Variants in WNT2B observed in about 807,000 individuals in gnomAD.
The protein encoded by WNT2B is protein Wnt-2b.
In WNT2B, 19 loss-of-function variants were observed where a neutral mutation model predicts 40.5. The ratio of observed to expected loss-of-function variants is 0.47; its 90% CI spans 0.33 to 0.69. WNT2B has a LOEUF of 0.69. Among genes scored for constraint, WNT2B ranks in the 30% least tolerant of loss-of-function variants. The pLI, the probability that WNT2B is intolerant of heterozygous loss-of-function variation, is 0.02. For missense variants in WNT2B, 467 were observed against 556.4 expected (o/e 0.84, Z 1.62); for synonymous variants, 220 against 211.9 (o/e 1.04, Z -0.33).
rs2101114125 is a variant in WNT2B at position 112,524,036 on chromosome 1, T to C, written c.*3527T>C. 6.6e-6 allele frequency: 1 copy of C among 152,198 alleles called. No homozygotes were observed. Among genetic ancestry groups the C allele is most frequent in the East Asian group, 1.9e-4 (1 of 5,168 alleles). 9.4% of individuals were successfully genotyped at this position (152,198 alleles called of 1,614,324 possible). On this transcript the variant is annotated 3_prime_UTR_variant, in exon 5 of 5. Coordinates refer to ENST00000369684, the MANE Select transcript of WNT2B (RefSeq NM_024494.3). ...AAAAAACAAAAAACAAAAACAAACATTGCCTGGCCCTGAGGGTCTGTTTGC... is the reference window on the plus strand; with the variant it reads ...AAAAAACAAAAAACAAAAACAAACACTGCCTGGCCCTGAGGGTCTGTTTGC...
At chr1:112,473,561 A>AT (rs142316825) in intron 1 of WNT2B, among the ~76,000 whole-genome samples, 10,434 of 152,046 alleles carry the variant, frequency 0.069, 1,206 homozygotes, top group African/African-American at 0.24. Flanking sequence ...AGCATAAGAA[A>AT]TTTTTTTTAA....
At chr1:112,484,234 C>CATATATATACACATATATATACACAT (rs1390260481) in intron 1 of WNT2B, among the ~76,000 whole-genome samples, 2 of 118,024 alleles carry the variant, frequency 1.7e-5, no homozygotes, top group Admixed American at 8.7e-5. Context: ...TATATATACA[C>CATATATATACACATATATATACACAT]ATATATATAC....
chr1:112,491,026 A>AG (rs751612302), intron 1 of WNT2B: 1 of 1,614,148 alleles, frequency 6.2e-7, no homozygotes, highest in Admixed American at 1.7e-5. Flanking sequence ...AGGATCCTTG[A>AG]GGACGGCAGT....
rs1653408272 is a variant in WNT2B, at chr1:112,526,425, A to G, written c.*5916A>G. 4.6e-6 allele frequency: 1 copy of G among 219,606 alleles called. No individual in the cohort carries two copies. Among genetic ancestry groups the G allele is most frequent in the South Asian group, 1.1e-4 (1 of 8,814 alleles). The allele number at this position is 219,606 out of a possible 1,614,324, so 13.6% of individuals were successfully genotyped here. A position where few individuals can be genotyped will look rare whatever the true frequency, so the allele number is the denominator to read the frequency against. On this transcript the variant is annotated 3_prime_UTR_variant, in exon 5 of 5. Coordinates refer to ENST00000369684, the MANE Select transcript of WNT2B (RefSeq NM_024494.3). Reference sequence around the variant, plus strand: ...GACACAGTAGAAGTAGTCATGACAGAAAATTATTAAGGCTTTGAAAATATG... The same window carrying G: ...GACACAGTAGAAGTAGTCATGACAGGAAATTATTAAGGCTTTGAAAATATG...
chr1:112,479,098 G>A (rs1440063619), intron 1 of WNT2B, among the ~76,000 whole-genome samples: 1 of 152,000 alleles, frequency 6.6e-6, no homozygotes, highest in Non-Finnish European at 1.5e-5. Context: ...GTACATGCCT[G>A]TAATCCCAGC....
intron 1 of WNT2B, among the ~76,000 whole-genome samples, chr1:112,510,600 C>T (rs1424836834): frequency 2.0e-5 from 3 of 152,134 alleles, no homozygotes; most frequent in Non-Finnish European, 4.4e-5. Flanking sequence ...CCGAGGGGCC[C>T]GCCAGCTTGG....
At position 112,494,365 on chromosome 1, in the gene WNT2B, C is replaced by T. The variant is rs57870882; in HGVS notation, c.-94-20509C>T. On this transcript the variant is annotated intron_variant, in intron 1 of 4. Transcript: ENST00000256640. The stretch of plus-strand genomic sequence containing the variant: ...AGGAACTATGCAAGCAAGAAGAAAG[C>T]GGAGAAAAATATATATATTTTAAGA... 3.1e-3 allele frequency among the ~76,000 whole-genome samples: 468 copies of T among 151,014 alleles called. 23 individuals carry two copies. The highest frequency in any genetic ancestry group is 0.011 in the African/African-American group (443 of 40,516).
At chr1:112,472,598 C>G (rs1280826599) in intron 1 of WNT2B, among the ~76,000 whole-genome samples, 3 of 149,270 alleles carry the variant, frequency 2.0e-5, no homozygotes, top group Non-Finnish European at 3.0e-5. Flanking sequence ...AAAACTGTTT[C>G]TAAATAACTA....
At chr1:112,484,246 CATAT>C (rs1354872917) in intron 1 of WNT2B, among the ~76,000 whole-genome samples, 1 of 116,732 alleles carries the variant, frequency 8.6e-6, no homozygotes, top group Non-Finnish European at 1.6e-5. Context: ...TATATATACA[CATAT>C]ATATACACAT....
At chr1:112,483,587 T>A in intron 1 of WNT2B, among the ~76,000 whole-genome samples, 1 of 151,408 alleles carries the variant, frequency 6.6e-6, no homozygotes. Context: ...TTTTTTGATG[T>A]GACACAAAAA....
At chr1:112,491,752 A>G (rs968212187) in intron 1 of WNT2B, among the ~76,000 whole-genome samples, 2 of 152,118 alleles carry the variant, frequency 1.3e-5, no homozygotes, top group African/African-American at 4.8e-5. Context: ...TTAGCTAGGT[A>G]TGGAGGCCCA....
chr1:112,502,117 C>A (rs931000479), intron 1 of WNT2B, among the ~76,000 whole-genome samples: 5 of 152,228 alleles, frequency 3.3e-5, no homozygotes, highest in African/African-American at 1.2e-4. Flanking sequence ...AGCGGTCTCC[C>A]CTCACTCTGC....
At chr1:112,473,426 A>C (rs1044628807) in intron 1 of WNT2B, among the ~76,000 whole-genome samples, 4 of 152,236 alleles carry the variant, frequency 2.6e-5, no homozygotes, top group Non-Finnish European at 4.4e-5. Context: ...ACTTCTAGAG[A>C]TGAAAATCCC....
intron 3 of WNT2B, 68 bp downstream of exon 3, chr1:112,516,485 C>G: frequency 9.1e-6 from 14 of 1,541,256 alleles, no homozygotes; most frequent in Non-Finnish European, 1.2e-5. Flanking sequence ...TGACCATGGA[C>G]TAAATAAATG....
In WNT2B at chr1:112,517,288, C is replaced by G; in HGVS notation, c.849C>G (p.Asn283Lys). 2.5e-6 allele frequency: 4 copies of G among 1,614,240 alleles called. No homozygotes were observed. Among genetic ancestry groups the G allele is most frequent in the Non-Finnish European group, 3.4e-6 (4 of 1,180,034 alleles). Residue 283 changes from asparagine to lysine, a missense_variant, in exon 4 of 5, where the codon AAC (asparagine) becomes AAG (lysine). Transcript: ENST00000369684. ...VQVMATQDGA[N>K]FTAARQGYRR... Reference sequence around the variant, plus strand: ...TGATGGCCACCCAAGATGGTGCCAACTTCACCGCAGCCCGCCAAGGCTATC... The same window carrying G: ...TGATGGCCACCCAAGATGGTGCCAAGTTCACCGCAGCCCGCCAAGGCTATC...
chr1:112,509,400 CCTG>C lies in WNT2B; in HGVS notation c.148_150del (p.Leu50del), dbSNP rs778345526. On this transcript the variant is annotated inframe_deletion, in exon 1 of 5. Transcript: ENST00000369684. The surrounding 1 kb of genome is among the most constrained non-coding windows in gnomAD (Gnocchi z 4.2). Reference sequence around the variant, plus strand: ...GCCTAGGTCTTGCCTGCCTTCTGCTCCTGCTGCTGCTGACGCTGCCGGCCCGCG... The same window carrying C: ...GCCTAGGTCTTGCCTGCCTTCTGCTCCTGCTGCTGACGCTGCCGGCCCGCG... 9.4e-6 allele frequency: 15 copies of C among 1,595,612 alleles called. No individual in the cohort carries two copies. The highest frequency in any genetic ancestry group is 4.6e-5 in the East Asian group (2 of 43,732).
chr1:112,466,897 C>T (rs1650725704), exon 1 of WNT2B: 1 of 152,184 alleles, frequency 6.6e-6, no homozygotes, highest in South Asian at 2.1e-4. Flanking sequence ...GCCACAGTTC[C>T]TACTAGGTGC....
rs5777124 is a variant in WNT2B at position 112,521,311 on chromosome 1, C to CTTTTTTTTTTTTTTTTTTT, written c.*804_*822dup. On this transcript the variant is annotated 3_prime_UTR_variant, in exon 5 of 5. Coordinates refer to ENST00000369684, the MANE Select transcript of WNT2B (RefSeq NM_024494.3). ...TAAGTCTGGCTAGGCCTTGTGTTGCCTTTTTTTTTTTTTTTTTTTTCTTTT... is the reference window on the plus strand; with the variant it reads ...TAAGTCTGGCTAGGCCTTGTGTTGCCTTTTTTTTTTTTTTTTTTTTTTTTTTTTTTTTTTTTTTTCTTTT... 118 of 122,014 alleles carry CTTTTTTTTTTTTTTTTTTT rather than the reference C, an allele frequency of 9.7e-4. 2 individuals carry two copies. The highest frequency in any genetic ancestry group is 4.5e-3 in the Middle Eastern group (1 of 222). 7.6% of individuals were successfully genotyped at this position (122,014 alleles called of 1,614,324 possible).
At position 112,524,817 on chromosome 1, in the gene WNT2B, G is replaced by T. The variant is rs1406914084; in HGVS notation, c.*4308G>T. 1 of 152,050 alleles carries T rather than the reference G, an allele frequency of 6.6e-6. No homozygotes were observed. Among genetic ancestry groups the T allele is most frequent in the Non-Finnish European group, 1.5e-5 (1 of 68,028 alleles). The allele number at this position is 152,050 out of a possible 1,614,324, so 9.4% of individuals were successfully genotyped here. A position where few individuals can be genotyped will look rare whatever the true frequency, so the allele number is the denominator to read the frequency against. ...AGAGAACTTCTCTCAGGCTGCATAG[G>T]AGTTCTGCTCATCCTCCTCTCCCCA... On this transcript the variant is annotated 3_prime_UTR_variant, in exon 5 of 5. Coordinates refer to ENST00000369684, the MANE Select transcript of WNT2B (RefSeq NM_024494.3).
Sources: gnomAD v4.1 joint callset for allele counts (sites outside exome capture counted in the v4.1 genomes callset) on GRCh38, gnomAD v4.1.1 for gene constraint, Gnocchi (gnomAD v3.1) non-coding constraint, MANE v1.5 for transcripts, NCBI Gene and HGNC (gene_info 2026-07-23, HGNC 2026-07-21) for gene names.